MSH5: variants seen among roughly 807,000 people sequenced by gnomAD.
MSH5 encodes the protein mutS protein homolog 5.
In MSH5, 78 loss-of-function variants were observed where a neutral mutation model predicts 107.7. The observed-to-expected ratio is 0.72, with a 90% CI of 0.60 to 0.87. The LOEUF (loss-of-function observed/expected upper bound fraction) is 0.87, where lower values mean the gene tolerates loss of function less well. Among genes scored for constraint, MSH5 ranks in the 40% least tolerant of loss-of-function variants. The pLI is 0.00. For missense variants in MSH5, 889 were observed against 1,046.6 expected (o/e 0.85, Z 2.08); for synonymous variants, 326 against 399.5 (o/e 0.82, Z 2.19).
At chr6:31,743,779 C>T in intron 5 of MSH5, 125 bp from the exon 6 acceptor site, 1 of 1,387,210 alleles carries the variant, frequency 7.2e-7, no homozygotes, top group South Asian at 1.4e-5. Context: ...TCTAGCTTTC[C>T]ATTAACTGCC....
Position 31,759,910 on chromosome 6 carries a change from G to A in MSH5, c.1620G>A (p.Arg540=). 1 of 1,614,174 alleles carries A rather than the reference G, an allele frequency of 6.2e-7. No individual in the cohort carries two copies. The highest frequency in any genetic ancestry group is 8.5e-7 in the Non-Finnish European group (1 of 1,180,028). Residue 540 remains arginine, a synonymous_variant, in exon 18 of 25, where the codon CGG becomes CGA. Transcript: ENST00000375750. The surrounding 1 kb of genome is among the most constrained non-coding windows in gnomAD (Gnocchi z 4.7). ...DVLLALASAA[R]DYGYSRPRYS... is the part of the protein sequence containing the mutation. The stretch of plus-strand genomic sequence containing the variant: ...TGCTGGCTCTTGCCAGTGCTGCCCG[G>A]GACTATGGCTACTCAAGGCCGCGTT...
chr6:31,753,168 C>A, intron 10 of MSH5, 133 bp from the exon 11 acceptor site: 1 of 1,134,450 alleles, frequency 8.8e-7, no homozygotes, highest in Non-Finnish European at 1.3e-6. Context: ...CTGCACTTGC[C>A]ACTACATTCC....
chr6:31,752,416 TAAAA>T (rs925066964), intron 10 of MSH5, among the ~76,000 whole-genome samples: 1 of 129,068 alleles, frequency 7.7e-6, no homozygotes, highest in African/African-American at 3.0e-5. Flanking sequence ...AAAAATAAAA[TAAAA>T]AAAAAGAATA....
chr6:31,761,628 A>G lies in MSH5; in HGVS notation c.2181+13A>G. ...GGTGCAGTATTTGGTGAGGAGACCAATCTAGCTCCTCGGGGACCCCCAGGC... is the reference window on the plus strand; with the variant it reads ...GGTGCAGTATTTGGTGAGGAGACCAGTCTAGCTCCTCGGGGACCCCCAGGC... On this transcript the variant is annotated intron_variant, in intron 22 of 24. Transcript: ENST00000375750. This position sits in a 1 kb window ranked among gnomAD's most constrained non-coding sequence, Gnocchi z 5.3. The G allele has an allele frequency of 1.2e-6, 2 of 1,614,066 alleles. No individual in the cohort carries two copies. Among genetic ancestry groups the G allele is most frequent in the Non-Finnish European group, 1.7e-6 (2 of 1,180,030 alleles).
chr6:31,757,243 C>T (rs187617214), intron 12 of MSH5, among the ~76,000 whole-genome samples: 18 of 152,182 alleles, frequency 1.2e-4, no homozygotes, highest in South Asian at 4.1e-4. Context: ...CTCCCGGGTT[C>T]GCGCCATTCT....
In MSH5 at chr6:31,761,955, G is replaced by A. The variant is rs774308425; in HGVS notation, c.2319G>A (p.Glu773=). The A allele has an allele frequency of 1.2e-6, 2 of 1,613,826 alleles. No homozygotes were observed. Among genetic ancestry groups the A allele is most frequent in the Non-Finnish European group, 1.7e-6 (2 of 1,180,006 alleles). ...LPDKLVARGK[E]VSDLIRSGKP... is the part of the protein sequence containing the mutation. ...ACAAGCTTGTGGCTCGTGGCAAGGA[G>A]GTGATGAGATCCAAATGTGCAACCA... is the stretch of plus-strand genomic sequence containing the variant. Residue 773 remains glutamate, a splice_region_variant and synonymous_variant, in exon 23 of 25, where the codon GAG becomes GAA. Coordinates refer to ENST00000375750, the MANE Select transcript of MSH5 (RefSeq NM_172166.4). The surrounding 1 kb of genome is among the most constrained non-coding windows in gnomAD (Gnocchi z 5.3).
chr6:31,740,548 GCCCCAGTGCCGGGC>G lies in MSH5; in HGVS notation c.86_99del (p.Pro29GlnfsTer34). 1 of 1,528,950 alleles carries G rather than the reference GCCCCAGTGCCGGGC, an allele frequency of 6.5e-7. No individual in the cohort carries two copies. Among genetic ancestry groups the G allele is most frequent in the Non-Finnish European group, 8.8e-7 (1 of 1,139,106 alleles). 94.7% of individuals were successfully genotyped at this position (1,528,950 alleles called of 1,614,324 possible). On this transcript the variant is annotated frameshift_variant, in exon 2 of 25. Coordinates refer to ENST00000375750, the MANE Select transcript of MSH5 (RefSeq NM_172166.4). LOFTEE classifies it high-confidence loss of function. The surrounding 1 kb of genome is among the most constrained non-coding windows in gnomAD (Gnocchi z 4.4). ...GGCCTCCTCCGGCTTCCCCAGCCCG[GCCCCAGTGCCGGGC>G]CCCAGGGAGGCCGAGGAGGAGGAAG... is the stretch of plus-strand genomic sequence containing the variant.
At chr6:31,745,432 C>T (rs1809346945) in intron 9 of MSH5, 113 bp downstream of exon 9, 5 of 725,788 alleles carry the variant, frequency 6.9e-6, no homozygotes, top group Admixed American at 5.3e-5. Flanking sequence ...TCAGATATCT[C>T]TTTCATGCCA....
chr6:31,752,048 G>A (rs1225301331), intron 10 of MSH5, among the ~76,000 whole-genome samples: 1 of 151,974 alleles, frequency 6.6e-6, no homozygotes, highest in African/African-American at 2.4e-5. Flanking sequence ...GCAGTGACCC[G>A]AGATCCCGCC....
intron 6 of MSH5, 29 bp downstream of exon 6, chr6:31,744,054 G>A (rs752359052): frequency 1.2e-6 from 2 of 1,613,306 alleles, no homozygotes; most frequent in South Asian, 1.1e-5. Context: ...GATAAGGGCT[G>A]GGAGGCGGCA....
chr6:31,760,583 T>G lies in MSH5; in HGVS notation c.1813-107T>G. 1 of 1,411,426 alleles carries G rather than the reference T, an allele frequency of 7.1e-7. No individual in the cohort carries two copies. The highest frequency in any genetic ancestry group is 1.0e-6 in the Non-Finnish European group (1 of 1,002,402). The allele number at this position is 1,411,426 out of a possible 1,614,324, so 87.4% of individuals were successfully genotyped here. ...CAGTGTGTCTGTTACCTATTTCTCC[T>G]GTTTCACCCTGTCCATTTCTCTTTG... is the stretch of plus-strand genomic sequence containing the variant. On this transcript the variant is annotated intron_variant, in intron 19 of 24. Coordinates refer to ENST00000375750, the MANE Select transcript of MSH5 (RefSeq NM_172166.4). The surrounding 1 kb of genome is among the most constrained non-coding windows in gnomAD (Gnocchi z 5.6).
At chr6:31,747,252 C>T in intron 9 of MSH5, 135 bp from the exon 10 acceptor site, 1 of 855,986 alleles carries the variant, frequency 1.2e-6, no homozygotes, top group South Asian at 1.6e-5. Context: ...GCTTTGGCTG[C>T]CTTTGTGCCC....
In MSH5 at chr6:31,757,889, C is replaced by T. The variant is rs1581554181; in HGVS notation, c.1015-276C>T. 35 of 500,348 alleles carry T rather than the reference C, an allele frequency of 7.0e-5. No homozygotes were observed. The South Asian group carries it at 1.0e-3, about 14-fold the overall frequency. 31.0% of individuals were successfully genotyped at this position (500,348 alleles called of 1,614,324 possible). On this transcript the variant is annotated intron_variant, in intron 12 of 24. Coordinates refer to ENST00000375750, the MANE Select transcript of MSH5 (RefSeq NM_172166.4). ...TTCACCATGTTGGTGAGGCTGATCT[C>T]GAACTCCTGACCTCAGGTGATCTAC...
intron 7 of MSH5, 55 bp downstream of exon 7, chr6:31,744,354 A>C: frequency 6.2e-7 from 1 of 1,609,904 alleles, no homozygotes; most frequent in East Asian, 2.2e-5. Context: ...GAGGCCTGAA[A>C]AGTAAAGTGG....
chr6:31,755,884 C>T (rs1275930220), intron 12 of MSH5, among the ~76,000 whole-genome samples: 7 of 152,006 alleles, frequency 4.6e-5, no homozygotes, highest in Non-Finnish European at 1.0e-4. Context: ...TTTTCTTCTC[C>T]TGGCAATTTG....
At chr6:31,742,450 G>A (rs1583899732) in intron 3 of MSH5, among the ~76,000 whole-genome samples, 4 of 152,316 alleles carry the variant, frequency 2.6e-5, no homozygotes, top group Admixed American at 2.6e-4. Flanking sequence ...TAGAGGCAGG[G>A]TTTCACCACG....
chr6:31,747,282 A>G (rs749745594), intron 9 of MSH5, 105 bp from the exon 10 acceptor site: 122 of 1,263,860 alleles, frequency 9.7e-5, no homozygotes, highest in Middle Eastern at 9.2e-4. Context: ...AGCTTCCTCA[A>G]CAACCAGCAC....
intron 10 of MSH5, among the ~76,000 whole-genome samples, chr6:31,750,689 A>G (rs960682836): frequency 2.6e-5 from 4 of 152,162 alleles, no homozygotes; most frequent in Non-Finnish European, 5.9e-5. Context: ...GCCCTCAGTG[A>G]CCAAGGAGCA....
rs893884291 is a variant in MSH5 at position 31,760,419 on chromosome 6, G to A, written c.1812+203G>A. Among the ~76,000 whole-genome samples the A allele has an allele frequency of 2.6e-5, 4 of 152,112 alleles. No homozygotes were observed. The highest frequency in any genetic ancestry group is 4.8e-5 in the African/African-American group (2 of 41,404). The stretch of plus-strand genomic sequence containing the variant: ...GAGCCATGCTCTAATGGAACTTTCC[G>A]TGGCCCAAATTCCTTCACCTGCCTC... On this transcript the variant is annotated intron_variant, in intron 19 of 24. Coordinates refer to ENST00000375750, the MANE Select transcript of MSH5 (RefSeq NM_172166.4). This position sits in a 1 kb window ranked among gnomAD's most constrained non-coding sequence, Gnocchi z 5.6.
Sources: allele counts gnomAD v4.1 joint callset (sites outside exome capture counted in the v4.1 genomes callset), GRCh38; gene constraint gnomAD v4.1.1; non-coding constraint Gnocchi (gnomAD v3.1); transcripts MANE v1.5; gene names NCBI Gene and HGNC (gene_info 2026-07-23, HGNC 2026-07-21).